The following ZNF280D variants were observed in gnomAD, a reference collection of about 807,000 sequenced individuals.
ZNF280D encodes the protein zinc finger protein 280D.
Under a neutral mutation model 94.7 loss-of-function variants are expected in ZNF280D, and 39 were observed. The ratio of observed to expected loss-of-function variants is 0.41; its 90% confidence interval spans 0.32 to 0.54. ZNF280D has a LOEUF of 0.54. Ranked by LOEUF, ZNF280D falls within the 20% of genes least tolerant of loss-of-function variation. ZNF280D has a pLI of 0.22. For synonymous variants in ZNF280D, 398 were observed against 377.6 expected (o/e 1.05, Z -0.63); for missense variants, 1,090 against 1,149.3 (o/e 0.95, Z 0.75).
chr15:56,704,127 T>A lies in ZNF280D; in HGVS notation c.169A>T (p.Ile57Phe). The A allele has an allele frequency of 6.2e-7, 1 of 1,613,496 alleles. No homozygotes were observed. The highest frequency in any genetic ancestry group is 8.5e-7 in the Non-Finnish European group (1 of 1,179,858). The change falls in exon 4 of 22, where the codon ATT becomes TTT. Residue 57 changes from isoleucine to phenylalanine, a missense_variant. By Grantham distance (21) the Ile-to-Phe change is conservative (BLOSUM62 0). Coordinates refer to ENST00000267807, the MANE Select transcript of ZNF280D (RefSeq NM_017661.4). ...VGEISSSKPA[I>F]SNILNRVNPS... ...ACTAAAAGTAAATGCTTACTTGAAA[T>A]TGCTGGTTTTGAACTTGATATCTCG...
At chr15:56,640,324 T>G (rs973718945) in intron 20 of ZNF280D, among the ~76,000 whole-genome samples, 2 of 152,038 alleles carry the variant, frequency 1.3e-5, no homozygotes, top group Admixed American at 1.3e-4. Flanking sequence ...GGGTCTCACT[T>G]TGTTTCCCAG....
intron 13 of ZNF280D, among the ~76,000 whole-genome samples, chr15:56,673,051 A>C (rs1375951533): frequency 6.6e-6 from 1 of 151,998 alleles, no homozygotes; most frequent in Non-Finnish European, 1.5e-5. Context: ...AAAAATAGAT[A>C]CCAAAACAAT....
Position 56,635,167 on chromosome 15 carries a change from ATGAAATTCAGTTT to A in ZNF280D, c.2315+15_2315+27del, listed in dbSNP as rs757288690. The stretch of plus-strand genomic sequence containing the variant: ...GTGTTATTTTGTATACTTGAATTTT[ATGAAATTCAGTTT>A]TTCCTTATATTTACCTTTCAGAATT... On this transcript the variant is annotated intron_variant, in intron 21 of 21. Coordinates refer to ENST00000267807, the MANE Select transcript of ZNF280D (RefSeq NM_017661.4). 745 of 1,417,280 alleles carry A rather than the reference ATGAAATTCAGTTT, an allele frequency of 5.3e-4. No individual in the cohort carries two copies. Among genetic ancestry groups the A allele is most frequent in the Middle Eastern group, 5.3e-4 (3 of 5,616 alleles). 87.8% of individuals were successfully genotyped at this position (1,417,280 alleles called of 1,614,324 possible).
chr15:56,702,548 T>C (rs528285552), intron 4 of ZNF280D, among the ~76,000 whole-genome samples: 1 of 152,356 alleles, frequency 6.6e-6, no homozygotes, highest in African/African-American at 2.4e-5. Flanking sequence ...AAGAGTCATC[T>C]ACAATCAGTA....
intron 13 of ZNF280D, among the ~76,000 whole-genome samples, chr15:56,672,845 A>C (rs969005946): frequency 2.0e-5 from 3 of 151,914 alleles, no homozygotes; most frequent in South Asian, 4.2e-4. Flanking sequence ...CTGGATCTTA[A>C]GTTTTTTTTT....
intron 17 of ZNF280D, among the ~76,000 whole-genome samples, chr15:56,655,336 T>A (rs1243274826): frequency 1.3e-5 from 2 of 152,102 alleles, no homozygotes; most frequent in South Asian, 2.1e-4. Context: ...GGCCCCTGAG[T>A]AGCTGGGACT....
chr15:56,719,697 C>T (rs2058242692), intron 1 of ZNF280D, among the ~76,000 whole-genome samples: 1 of 151,984 alleles, frequency 6.6e-6, no homozygotes, highest in African/African-American at 2.4e-5. Context: ...ATGCACACCT[C>T]GGAGATATTG....
At position 56,693,145 on chromosome 15, in the gene ZNF280D, T is replaced by A. The variant is rs1378448225; in HGVS notation, c.452A>T (p.Asp151Val). Reference sequence around the variant, plus strand: ...CCCTTGGTAATGTGATAATCCTGTATCCTGGGTCAAGTCAAACAGTAACTC... The same window carrying A: ...CCCTTGGTAATGTGATAATCCTGTAACCTGGGTCAAGTCAAACAGTAACTC... ...SSELLFDLTQ[D>V]TGLSHYQGGP... The change falls in exon 7 of 22, where the codon GAT becomes GTT. Residue 151 changes from aspartate to valine, a missense_variant. Transcript: ENST00000267807. The A allele has an allele frequency of 6.2e-7, 1 of 1,607,028 alleles. No homozygotes were observed.
chr15:56,727,387 A>C lies in ZNF280D; in HGVS notation c.-86+6071T>G, dbSNP rs572750380. ...GGCAGGAGAATCACTTGAACCCGGG[A>C]AGTGGAGGCTGCAGTGAGCTGAGAT... On this transcript the variant is annotated intron_variant, in intron 1 of 21. Coordinates refer to ENST00000267807, the MANE Select transcript of ZNF280D (RefSeq NM_017661.4). Among the ~76,000 whole-genome samples, 19 of 152,314 alleles carry C rather than the reference A, an allele frequency of 1.2e-4. 1 individual carries two copies. The South Asian group carries it at 3.9e-3, about 32-fold the overall frequency.
chr15:56,724,986 T>C lies in ZNF280D; in HGVS notation c.-86+8472A>G, dbSNP rs1198925754. On this transcript the variant is annotated intron_variant, in intron 1 of 21. Coordinates refer to ENST00000267807, the MANE Select transcript of ZNF280D (RefSeq NM_017661.4). ...TGTATAGCTGAGAGTCAGATAATCT[T>C]AAACCTTGAATAGGAAAAGCAGAGC... 4.7e-5 allele frequency: 18 copies of C among 386,314 alleles called. No homozygotes were observed. The East Asian group carries it at 1.3e-3, about 27-fold the overall frequency. The allele number at this position is 386,314 out of a possible 1,614,324, so 23.9% of individuals were successfully genotyped here. A position where few individuals can be genotyped will look rare whatever the true frequency, so the allele number is the denominator to read the frequency against.
At chr15:56,645,735 C>T (rs1419192760) in intron 19 of ZNF280D, among the ~76,000 whole-genome samples, 3 of 151,972 alleles carry the variant, frequency 2.0e-5, no homozygotes, top group Non-Finnish European at 2.9e-5. Flanking sequence ...TTAGTAGACA[C>T]GGGGTTTCAT....
chr15:56,653,874 A>G, intron 19 of ZNF280D: 1 of 1,238,066 alleles, frequency 8.1e-7, no homozygotes, highest in Non-Finnish European at 1.0e-6. Context: ...AACCTGACAC[A>G]AAGATAAGGT....
chr15:56,707,003 C>A, intron 3 of ZNF280D, 79 bp downstream of exon 3: 1 of 1,417,076 alleles, frequency 7.1e-7, no homozygotes, highest in Non-Finnish European at 9.9e-7. Flanking sequence ...AAAATGTCTC[C>A]CAACTTTCAT....
intron 1 of ZNF280D, chr15:56,730,593 A>G (rs2058835298): frequency 6.6e-6 from 1 of 152,240 alleles, no homozygotes; most frequent in African/African-American, 2.4e-5. Context: ...TATTTACCAT[A>G]GCTTACTATG....
chr15:56,668,737 T>C, intron 14 of ZNF280D, 86 bp downstream of exon 14: 2 of 1,266,252 alleles, frequency 1.6e-6, no homozygotes, highest in Non-Finnish European at 2.1e-6. Context: ...TGAAGTCATT[T>C]AAAAATACAT....
At chr15:56,723,251 TAATC>T (rs1308484943) in intron 1 of ZNF280D, among the ~76,000 whole-genome samples, 3 of 151,602 alleles carry the variant, frequency 2.0e-5, no homozygotes, top group Non-Finnish European at 4.4e-5. Flanking sequence ...AATAAATAAA[TAATC>T]AAAGTGAAAA....
At chr15:56,638,616 T>A (rs2052466414) in intron 20 of ZNF280D, among the ~76,000 whole-genome samples, 1 of 152,086 alleles carries the variant, frequency 6.6e-6, no homozygotes, top group African/African-American at 2.4e-5. Flanking sequence ...TATGCAAAAG[T>A]GTAAAATCAA....
Position 56,682,479 on chromosome 15 carries a change from T to TAAAAA in ZNF280D, c.781-3_781-2insTTTTT. On this transcript the variant is annotated splice_region_variant and splice_polypyrimidine_tract_variant and intron_variant, in intron 9 of 21. Transcript: ENST00000267807. ...ATTTATCATGTCTGGACAACAATAC[T>TAAAAA]GAAAGAGAAAAAAAAAAAAAAAAAA... 1 of 982,258 alleles carries TAAAAA rather than the reference T, an allele frequency of 1.0e-6. No individual in the cohort carries two copies. The highest frequency in any genetic ancestry group is 2.4e-5 in the South Asian group (1 of 42,144). The allele number at this position is 982,258 out of a possible 1,614,324, so 60.8% of individuals were successfully genotyped here. A position where few individuals can be genotyped will look rare whatever the true frequency, so the allele number is the denominator to read the frequency against.
At chr15:56,679,969 G>A (rs1327470693) in intron 10 of ZNF280D, among the ~76,000 whole-genome samples, 2 of 152,188 alleles carry the variant, frequency 1.3e-5, no homozygotes. Flanking sequence ...TCAGCTCACA[G>A]CTTTCAGCAC....
Sources: gnomAD v4.1 joint callset for allele counts (sites outside exome capture counted in the v4.1 genomes callset) on GRCh38, gnomAD v4.1.1 for gene constraint, MANE v1.5 for transcripts, NCBI Gene and HGNC (gene_info 2026-07-23, HGNC 2026-07-21) for gene names.